The following CSGALNACT1 variants were observed in gnomAD, a reference collection of about 807,000 sequenced individuals.
CSGALNACT1 encodes the protein beta4GalNAcT-1.
CSGALNACT1 carries 52 observed loss-of-function variants against 51.0 expected under a neutral mutation model. The observed-to-expected ratio is 1.02, with a 90% confidence interval of 0.82 to 1.29. The LOEUF (loss-of-function observed/expected upper bound fraction) is 1.29. Ranked by LOEUF, CSGALNACT1 falls within the 50% of genes most tolerant of loss-of-function variation. The probability of loss-of-function intolerance (pLI) is 0.00; values close to 1 mark genes in which losing one functional copy is unlikely to be tolerated. For missense variants in CSGALNACT1, 935 were observed against 679.2 expected, an observed-to-expected ratio of 1.38 and a Z score of -4.19; for synonymous variants, 341 against 254.4, an observed-to-expected ratio of 1.34 and a Z score of -3.24.
At position 19,546,511 on chromosome 8, in the gene CSGALNACT1, G is replaced by A. The variant is rs376942885; in HGVS notation, c.-296-40381C>T. On this transcript the variant is annotated intron_variant, in intron 3 of 9. Transcript: ENST00000454498. ...ATAGGGAAGTATCACTAAGAATTAAGGATGGAACACAAAGCTAACTACAAG... is the reference window on the plus strand; with the variant it reads ...ATAGGGAAGTATCACTAAGAATTAAAGATGGAACACAAAGCTAACTACAAG... Among the ~76,000 whole-genome samples, 280 of 152,204 alleles carry A rather than the reference G, an allele frequency of 1.8e-3. 1 individual carries two copies. The highest frequency in any genetic ancestry group is 6.5e-3 in the African/African-American group (272 of 41,528).
intron 1 of CSGALNACT1, among the ~76,000 whole-genome samples, chr8:19,661,343 G>C (rs1196944298): frequency 6.6e-6 from 1 of 152,184 alleles, no homozygotes; most frequent in Non-Finnish European, 1.5e-5. Context: ...ACCTACTGCT[G>C]TCACCTGGCC....
At chr8:19,620,312 C>T (rs961697370) in intron 1 of CSGALNACT1, among the ~76,000 whole-genome samples, 508 of 32,768 alleles carry the variant, frequency 0.016, 2 homozygotes, top group Middle Eastern at 0.022. Flanking sequence ...GAGACTCTGT[C>T]TCAAAAAAAA....
At chr8:19,556,000 T>C (rs983969850) in intron 3 of CSGALNACT1, among the ~76,000 whole-genome samples, 1 of 152,168 alleles carries the variant, frequency 6.6e-6, no homozygotes, top group African/African-American at 2.4e-5. Context: ...GTGGTGTGTT[T>C]TTTTACCCTC....
At chr8:19,422,846 T>C (rs986655877) in intron 6 of CSGALNACT1, among the ~76,000 whole-genome samples, 2 of 152,192 alleles carry the variant, frequency 1.3e-5, no homozygotes, top group African/African-American at 4.8e-5. Flanking sequence ...GATGCCTGGA[T>C]TTTTACCTGT....
intron 1 of CSGALNACT1, among the ~76,000 whole-genome samples, chr8:19,741,882 C>T (rs975369829): frequency 6.6e-6 from 1 of 152,142 alleles, no homozygotes; most frequent in Admixed American, 6.5e-5. Flanking sequence ...TCGATCCTCA[C>T]AATAATCTTA....
intron 1 of CSGALNACT1, among the ~76,000 whole-genome samples, chr8:19,646,169 G>T (rs901094932): frequency 6.6e-6 from 1 of 152,144 alleles, no homozygotes; most frequent in Non-Finnish European, 1.5e-5. Context: ...ATATTACTCA[G>T]TAGACTGACA....
intron 1 of CSGALNACT1, among the ~76,000 whole-genome samples, chr8:19,630,645 C>G (rs533068541): frequency 6.6e-6 from 1 of 152,176 alleles, no homozygotes; most frequent in Admixed American, 6.5e-5. Context: ...ATCCCTCCCC[C>G]ACAAAACCAC....
chr8:19,450,646 C>G (rs1586291005), intron 5 of CSGALNACT1, among the ~76,000 whole-genome samples: 1 of 152,204 alleles, frequency 6.6e-6, no homozygotes, highest in South Asian at 2.1e-4. Context: ...CCTGTAATCC[C>G]AACACTTTGG....
rs931282245 is a variant in CSGALNACT1 at position 19,632,409 on chromosome 8, T to C, written c.-543-30544A>G. Among the ~76,000 whole-genome samples, 3 of 152,250 alleles carry C rather than the reference T, an allele frequency of 2.0e-5. No individual in the cohort carries two copies. In the South Asian group the frequency reaches 6.2e-4, roughly 31 times the overall value. On this transcript the variant is annotated intron_variant, in intron 1 of 9. Coordinates refer to the CSGALNACT1 transcript ENST00000332246. ...CTTCAAAAGCTTTGGAAATAGTCCA[T>C]AATTAGGTGGCAAAGATGCCTAGAA...
At chr8:19,748,716 G>C (rs1474903228) in intron 1 of CSGALNACT1, among the ~76,000 whole-genome samples, 1 of 152,176 alleles carries the variant, frequency 6.6e-6, no homozygotes, top group Non-Finnish European at 1.5e-5. Context: ...TGTAAACCCA[G>C]CACTTTGGGA....
At chr8:19,609,235 C>T (rs1025184276) in intron 1 of CSGALNACT1, among the ~76,000 whole-genome samples, 2 of 149,876 alleles carry the variant, frequency 1.3e-5, no homozygotes, top group Admixed American at 1.3e-4. Flanking sequence ...TCTCAAGATA[C>T]AAATAAATAT....
intron 3 of CSGALNACT1, among the ~76,000 whole-genome samples, chr8:19,513,046 A>T (rs2078749144): frequency 6.6e-6 from 1 of 152,170 alleles, no homozygotes; most frequent in Admixed American, 6.5e-5. Flanking sequence ...CAGGAAAACC[A>T]TCCCTAGCCC....
At chr8:19,418,890 A>G in intron 7 of CSGALNACT1, 140 bp from the exon 7 acceptor site, 1 of 701,426 alleles carries the variant, frequency 1.4e-6, no homozygotes, top group Non-Finnish European at 2.6e-6. Context: ...ACTGTCACCC[A>G]GGCTGCAATA....
intron 1 of CSGALNACT1, among the ~76,000 whole-genome samples, chr8:19,736,926 G>C (rs1360041308): frequency 1.7e-5 from 2 of 116,794 alleles, no homozygotes; most frequent in Non-Finnish European, 3.7e-5. Flanking sequence ...CTCTGAACAG[G>C]ATAAAAAAAA....
intron 3 of CSGALNACT1, among the ~76,000 whole-genome samples, chr8:19,511,244 C>G (rs1470358064): frequency 6.6e-6 from 1 of 152,242 alleles, no homozygotes; most frequent in Non-Finnish European, 1.5e-5. Flanking sequence ...TGTGCAGACA[C>G]AGCCAAAAGG....
intron 1 of CSGALNACT1, among the ~76,000 whole-genome samples, chr8:19,709,871 T>G (rs1473730740): frequency 6.6e-6 from 1 of 152,188 alleles, no homozygotes; most frequent in Non-Finnish European, 1.5e-5. Context: ...TAGGGCACTC[T>G]GGGACTGAGT....
chr8:19,755,474 A>AAAAAAAAAAAAAAAAAAAAC (rs1198641722), intron 1 of CSGALNACT1, among the ~76,000 whole-genome samples: 1 of 150,202 alleles, frequency 6.7e-6, no homozygotes, highest in Non-Finnish European at 1.5e-5. Flanking sequence ...AAAAAAAAAA[A>AAAAAAAAAAAAAAAAAAAAC]AAAAAAAGAC....
intron 9 of CSGALNACT1, among the ~76,000 whole-genome samples, chr8:19,406,638 A>G (rs1399929414): frequency 6.7e-6 from 1 of 150,262 alleles, no homozygotes; most frequent in Non-Finnish European, 1.5e-5. Flanking sequence ...AAAAAAAAAA[A>G]AAAAAAAAAA....
intron 8 of CSGALNACT1, among the ~76,000 whole-genome samples, chr8:19,412,620 G>A (rs2056058710): frequency 6.6e-6 from 1 of 152,214 alleles, no homozygotes; most frequent in Non-Finnish European, 1.5e-5. Context: ...AGCAGGGCCG[G>A]CTTACAAAGT....
Sources: gnomAD v4.1 joint callset for allele counts (sites outside exome capture counted in the v4.1 genomes callset) on GRCh38, gnomAD v4.1.1 for gene constraint, MANE v1.5 for transcripts, NCBI Gene and HGNC (gene_info 2026-07-23, HGNC 2026-07-21) for gene names.